The following OSBPL10 variants were observed in gnomAD, a reference collection of about 807,000 sequenced individuals.
OSBPL10 encodes the protein oxysterol-binding protein-related protein 10.
In OSBPL10, 49 loss-of-function variants were observed where a neutral mutation model predicts 81.7. The observed-to-expected ratio is 0.60, with a 90% CI of 0.48 to 0.76. The LOEUF (loss-of-function observed/expected upper bound fraction) is 0.76, where lower values mean the gene tolerates loss of function less well. OSBPL10 is among the 30% of genes least tolerant of loss of function. The pLI, the probability that OSBPL10 is intolerant of heterozygous loss-of-function variation, is 0.00. For synonymous variants in OSBPL10, 419 were observed against 383.6 expected (o/e 1.09, Z -1.08); for missense variants, 923 against 987.8 (o/e 0.93, Z 0.88).
chr3:31,990,843 T>C, intron 2 of OSBPL10: 2 of 1,586,412 alleles, frequency 1.3e-6, no homozygotes, highest in Non-Finnish European at 8.6e-7. Context: ...GGAGAATTCA[T>C]ATGGGAGAGA....
At chr3:31,719,199 G>A (rs943314431) in intron 6 of OSBPL10, among the ~76,000 whole-genome samples, 2 of 152,128 alleles carry the variant, frequency 1.3e-5, no homozygotes, top group African/African-American at 4.8e-5. Context: ...CTCTCAAAAC[G>A]ATTCAAGCTA....
chr3:31,812,654 GAATGTT>G (rs914955676), intron 4 of OSBPL10, among the ~76,000 whole-genome samples: 66 of 149,992 alleles, frequency 4.4e-4, no homozygotes, highest in African/African-American at 1.6e-3. Flanking sequence ...CTCATCTCCT[GAATGTT>G]AAGTTGATAG....
chr3:32,004,999 TA>T, intron 2 of OSBPL10, among the ~76,000 whole-genome samples: 1 of 152,336 alleles, frequency 6.6e-6, no homozygotes, highest in East Asian at 1.9e-4. Context: ...GGCATCTTTA[TA>T]AAATCATACA....
chr3:31,733,700 T>TG (rs1318911012), intron 5 of OSBPL10, among the ~76,000 whole-genome samples: 3 of 150,118 alleles, frequency 2.0e-5, no homozygotes, highest in African/African-American at 7.4e-5. Context: ...TTTTTTTTTT[T>TG]TTTTTTTTTT....
At chr3:32,028,079 T>C (rs766206386) in intron 2 of OSBPL10, among the ~76,000 whole-genome samples, 72 of 152,346 alleles carry the variant, frequency 4.7e-4, no homozygotes, top group Non-Finnish European at 7.6e-4. Flanking sequence ...TAACACTTCA[T>C]TGAGTCCTCT....
chr3:32,004,988 T>C (rs1310031159), intron 2 of OSBPL10, among the ~76,000 whole-genome samples: 1 of 152,236 alleles, frequency 6.6e-6, no homozygotes, highest in Non-Finnish European at 1.5e-5. Context: ...TTGGATAGGA[T>C]GGCATCTTTA....
At chr3:32,019,202 A>G (rs1341644504) in intron 2 of OSBPL10, among the ~76,000 whole-genome samples, 2 of 152,110 alleles carry the variant, frequency 1.3e-5, no homozygotes, top group East Asian at 1.9e-4. Flanking sequence ...TTGAGGAACA[A>G]GGGAGTGGGG....
chr3:31,953,528 CT>C (rs1304148660), intron 1 of OSBPL10, among the ~76,000 whole-genome samples: 4 of 152,076 alleles, frequency 2.6e-5, no homozygotes, highest in Non-Finnish European at 5.9e-5. Flanking sequence ...CCACCTCAGC[CT>C]CCTAAGTAAC....
intron 5 of OSBPL10, among the ~76,000 whole-genome samples, chr3:31,743,765 A>G (rs1326659878): frequency 1.3e-5 from 2 of 152,238 alleles, no homozygotes; most frequent in Non-Finnish European, 2.9e-5. Flanking sequence ...CTTCCTGCCC[A>G]TCGAACACTG....
chr3:32,008,494 G>A (rs1376482441), intron 2 of OSBPL10, among the ~76,000 whole-genome samples: 3 of 151,266 alleles, frequency 2.0e-5, no homozygotes, highest in Admixed American at 6.6e-5. Flanking sequence ...ACTTTGAGAG[G>A]CCAAGGTGGG....
intron 4 of OSBPL10, among the ~76,000 whole-genome samples, chr3:31,810,663 G>A (rs1575559884): frequency 6.6e-6 from 1 of 152,286 alleles, no homozygotes; most frequent in African/African-American, 2.4e-5. Context: ...GAAAGGAGAT[G>A]CCAATAGCTT....
intron 4 of OSBPL10, among the ~76,000 whole-genome samples, chr3:31,824,898 T>C (rs72850510): frequency 0.024 from 3,630 of 152,258 alleles, 142 homozygotes; most frequent in African/African-American, 0.082. Flanking sequence ...TGTTTCCTAG[T>C]GGAGCCAAGA....
intron 1 of OSBPL10, among the ~76,000 whole-genome samples, chr3:31,882,151 T>C (rs1464504576): frequency 6.6e-6 from 1 of 152,246 alleles, no homozygotes; most frequent in Non-Finnish European, 1.5e-5. Context: ...CGCAGCCATC[T>C]CATTAGCACA....
At chr3:31,985,339 A>AT (rs34670956), upstream of OSBPL10, among the ~76,000 whole-genome samples, 4 of 152,252 alleles carry the variant, frequency 2.6e-5, no homozygotes, top group African/African-American at 9.6e-5. Flanking sequence ...CTTAGAAAAA[A>AT]TTTTAAACGT....
At chr3:31,964,706 C>A (rs1698264317) in intron 1 of OSBPL10, among the ~76,000 whole-genome samples, 1 of 152,132 alleles carries the variant, frequency 6.6e-6, no homozygotes. Flanking sequence ...AAATAAACAA[C>A]ACCCTGGCCT....
chr3:32,050,044 A>G (rs560684583), intron 1 of OSBPL10, among the ~76,000 whole-genome samples: 4 of 152,224 alleles, frequency 2.6e-5, no homozygotes, highest in African/African-American at 7.2e-5. Context: ...CTTAAGCTGT[A>G]GTGAATCTGG....
chr3:31,808,534 A>G (rs1699578217), intron 4 of OSBPL10, among the ~76,000 whole-genome samples: 1 of 152,220 alleles, frequency 6.6e-6, no homozygotes, highest in Non-Finnish European at 1.5e-5. Context: ...GGGCAAATCA[A>G]TCACTAGGCT....
At chr3:31,875,235 A>G (rs72851819) in intron 3 of OSBPL10, among the ~76,000 whole-genome samples, 30,254 of 152,084 alleles carry the variant, frequency 0.2, 3,228 homozygotes, top group Non-Finnish European at 0.24. Context: ...AAGAACAACT[A>G]TCTCTAATGA....
intron 4 of OSBPL10, among the ~76,000 whole-genome samples, chr3:31,785,901 T>C (rs929562903): frequency 6.6e-6 from 1 of 152,184 alleles, no homozygotes; most frequent in South Asian, 2.1e-4. Flanking sequence ...GGGCATAAAA[T>C]GGCCACAGTT....
Sources: allele counts gnomAD v4.1 joint callset (sites outside exome capture counted in the v4.1 genomes callset), GRCh38; gene constraint gnomAD v4.1.1; transcripts MANE v1.5; gene names NCBI Gene and HGNC (gene_info 2026-07-23, HGNC 2026-07-21).